The following KDM4B variants were observed in gnomAD, a reference collection of about 807,000 sequenced individuals.
The protein encoded by KDM4B is lysine demethylase 4B.
A neutral mutation model predicts 125.2 loss-of-function variants in KDM4B; 32 were observed. That is an observed-to-expected ratio of 0.26 (90% CI 0.19 to 0.34). The LOEUF is 0.34. Among genes scored for constraint, KDM4B ranks in the 10% least tolerant of loss-of-function variants. KDM4B has a pLI of 1.00. For missense variants in KDM4B, 1,190 were observed against 1,577.7 expected (o/e 0.75, Z 4.16); for synonymous variants, 721 against 677.9 (o/e 1.06, Z -0.99).
chr19:5,033,656 G>T (rs1459807836), intron 3 of KDM4B, among the ~76,000 whole-genome samples: 2 of 152,188 alleles, frequency 1.3e-5, no homozygotes, highest in Admixed American at 6.5e-5. Context: ...CTCAAACAGG[G>T]CGACAGCGCA....
chr19:5,050,772 T>C (rs1599505350), intron 6 of KDM4B, among the ~76,000 whole-genome samples: 1 of 152,106 alleles, frequency 6.6e-6, no homozygotes, highest in African/African-American at 2.4e-5. Context: ...TGGTGGCAGG[T>C]GCCTATAATC....
At chr19:5,009,191 A>G (rs1479987538) in intron 1 of KDM4B, among the ~76,000 whole-genome samples, 1 of 152,142 alleles carries the variant, frequency 6.6e-6, no homozygotes, top group East Asian at 1.9e-4. Flanking sequence ...CTGGGATTCC[A>G]GGTGTGAGCC....
intron 6 of KDM4B, among the ~76,000 whole-genome samples, chr19:5,070,273 C>A (rs558690076): frequency 2.0e-5 from 3 of 152,196 alleles, no homozygotes; most frequent in Admixed American, 6.5e-5. Flanking sequence ...CTTCTCGCTC[C>A]CCCTCAAGGC....
At chr19:5,131,635 G>T in intron 12 of KDM4B, 90 bp downstream of exon 12, 1 of 647,284 alleles carries the variant, frequency 1.5e-6, no homozygotes. Flanking sequence ...GGAGCTGGTG[G>T]CGGGGGAGGG....
intron 9 of KDM4B, among the ~76,000 whole-genome samples, chr19:5,093,841 C>T (rs939202359): frequency 2.0e-5 from 3 of 152,206 alleles, no homozygotes; most frequent in African/African-American, 7.2e-5. Context: ...AGGACACGAA[C>T]AAGGGTGGAA....
intron 10 of KDM4B, chr19:5,119,089 A>G: frequency 7.3e-7 from 1 of 1,366,460 alleles, no homozygotes; most frequent in Non-Finnish European, 1.0e-6. Context: ...GAAGTCCTAG[A>G]GAAAAAACCC....
At chr19:4,970,488 G>C (rs2034217775) in intron 1 of KDM4B, among the ~76,000 whole-genome samples, 1 of 152,178 alleles carries the variant, frequency 6.6e-6, no homozygotes. Flanking sequence ...CTGGATACTG[G>C]ACTGAATTCA....
At chr19:5,054,587 G>A (rs1398700271) in intron 6 of KDM4B, among the ~76,000 whole-genome samples, 1 of 152,176 alleles carries the variant, frequency 6.6e-6, no homozygotes, top group African/African-American at 2.4e-5. Flanking sequence ...TGGCCCCCTG[G>A]GACTCTGCCC....
chr19:5,058,293 A>T (rs1026059612), intron 6 of KDM4B, among the ~76,000 whole-genome samples: 1 of 152,164 alleles, frequency 6.6e-6, no homozygotes, highest in African/African-American at 2.4e-5. Context: ...AGCAGAAGCC[A>T]TTGGGAAGGG....
At chr19:4,977,183 C>T (rs1477074034) in intron 1 of KDM4B, among the ~76,000 whole-genome samples, 1 of 152,232 alleles carries the variant, frequency 6.6e-6, no homozygotes, top group Non-Finnish European at 1.5e-5. Flanking sequence ...CCAGCCATCT[C>T]CGCCCTGCTG....
At position 4,974,040 on chromosome 19, in the gene KDM4B, G is replaced by T. The variant is rs150740550; in HGVS notation, c.-109+4810G>T. On this transcript the variant is annotated intron_variant, in intron 1 of 22. Coordinates refer to ENST00000159111, the MANE Select transcript of KDM4B (RefSeq NM_015015.3). ...AGCTACTTGGGAGACTGAGACAGGA[G>T]AATTGCACCGAGATCCTGCCACTGC... is the stretch of plus-strand genomic sequence containing the variant. Among the ~76,000 whole-genome samples, 433 of 152,078 alleles carry T rather than the reference G, an allele frequency of 2.8e-3. 9 individuals are homozygous for T. The highest frequency in any genetic ancestry group is 0.024 in the Admixed American group (372 of 15,260).
intron 1 of KDM4B, among the ~76,000 whole-genome samples, chr19:4,990,252 T>C (rs2034990384): frequency 6.6e-6 from 1 of 152,178 alleles, no homozygotes; most frequent in Non-Finnish European, 1.5e-5. Flanking sequence ...ATTGCACCAG[T>C]GTGCTCCAGC....
At chr19:5,020,922 G>T (rs978142833) in intron 2 of KDM4B, among the ~76,000 whole-genome samples, 22 of 152,052 alleles carry the variant, frequency 1.4e-4, no homozygotes, top group Non-Finnish European at 2.8e-4. Flanking sequence ...TGAGGCAGGC[G>T]GATCACCTGA....
chr19:4,975,288 T>C (rs1325866928), intron 1 of KDM4B, among the ~76,000 whole-genome samples: 2 of 152,218 alleles, frequency 1.3e-5, no homozygotes, highest in African/African-American at 2.4e-5. Flanking sequence ...TCAGTAAAAC[T>C]TTATTTATGG....
chr19:5,146,268 G>A (rs1426146623), intron 21 of KDM4B, among the ~76,000 whole-genome samples: 1 of 146,716 alleles, frequency 6.8e-6, no homozygotes, highest in South Asian at 2.2e-4. Flanking sequence ...GGCCGGCCCC[G>A]CCCAGTCACC....
At chr19:5,047,025 G>T (rs531603006) in intron 5 of KDM4B, 56 of 156,040 alleles carry the variant, frequency 3.6e-4, no homozygotes, top group Middle Eastern at 6.7e-3. Context: ...TGGGTATGGC[G>T]GCTCATGCCT....
At chr19:5,074,707 G>A (rs1221909967) in intron 7 of KDM4B, 1 of 152,308 alleles carries the variant, frequency 6.6e-6, no homozygotes, top group East Asian at 1.9e-4. Flanking sequence ...TGGTGTCTGC[G>A]TGGCTGGGTG....
chr19:5,150,326 G>A, intron 21 of KDM4B, 32 bp from the exon 22 acceptor site: 1 of 1,535,566 alleles, frequency 6.5e-7, no homozygotes, highest in Non-Finnish European at 8.8e-7. Context: ...TCCTGGCAGT[G>A]CCAGGCCCCT....
rs1244284723 is a variant in KDM4B, at chr19:5,135,535, G to C, written c.2282G>C (p.Gly761Ala). 6.2e-7 allele frequency: 1 copy of C among 1,604,580 alleles called. No homozygotes were observed. The highest frequency in any genetic ancestry group is 1.3e-5 in the African/African-American group (1 of 74,744). Residue 761 changes from glycine to alanine, a missense_variant, in exon 15 of 23, where the codon GGC (glycine) becomes GCC (alanine). Around this residue, in one of 7 missense-constraint regions of KDM4B, gnomAD observed 298 missense variants for 439.7 expected, o/e 0.68. Transcript: ENST00000159111. ...DDGTSPLIAC[G>A]KCCLQVHASC... ...GGGACCAGCCCCCTGATCGCCTGCG[G>C]CAAGTGCTGCCTGCAGGTCCATGCC... is the stretch of plus-strand genomic sequence containing the variant.
Sources: allele counts gnomAD v4.1 joint callset (sites outside exome capture counted in the v4.1 genomes callset), GRCh38; gene constraint gnomAD v4.1.1; regional missense constraint gnomAD v4.1.1; transcripts MANE v1.5; gene names NCBI Gene and HGNC (gene_info 2026-07-23, HGNC 2026-07-21).